The following KCTD19 variants were observed in gnomAD, a reference collection of about 807,000 sequenced individuals.
The protein encoded by KCTD19 is BTB/POZ domain-containing protein KCTD19.
A neutral mutation model predicts 103.5 loss-of-function variants in KCTD19; 67 were observed. That is an observed-to-expected ratio of 0.65 (90% CI 0.53 to 0.79). KCTD19 has a LOEUF of 0.79. Among genes scored for constraint, KCTD19 ranks in the 30% least tolerant of loss-of-function variants. The pLI, the probability that KCTD19 is intolerant of heterozygous loss-of-function variation, is 0.00. For missense variants in KCTD19, 980 were observed against 1,136.1 expected, an observed-to-expected ratio of 0.86 and a Z score of 1.98; for synonymous variants, 439 against 452.2, an observed-to-expected ratio of 0.97 and a Z score of 0.37.
At position 67,289,443 on chromosome 16, in the gene KCTD19, C is replaced by A. The variant is rs989996999; in HGVS notation, c.*126G>T. Reference sequence around the variant, plus strand: ...CTAGGTCTTTGATGTGTGATTTAATCTTTTATTTGTTTATAATAAAAAATA... The same window carrying A: ...CTAGGTCTTTGATGTGTGATTTAATATTTTATTTGTTTATAATAAAAAATA... On this transcript the variant is annotated 3_prime_UTR_variant, in exon 16 of 16. Coordinates refer to ENST00000304372, the MANE Select transcript of KCTD19 (RefSeq NM_001100915.3). 1 of 557,034 alleles carries A rather than the reference C, an allele frequency of 1.8e-6. No individual in the cohort carries two copies. The highest frequency in any genetic ancestry group is 3.2e-6 in the Non-Finnish European group (1 of 309,700). The allele number at this position is 557,034 out of a possible 1,614,324, so 34.5% of individuals were successfully genotyped here.
intron 6 of KCTD19, 90 bp from the exon 7 acceptor site, chr16:67,297,753 G>T: frequency 1.6e-6 from 2 of 1,261,348 alleles, no homozygotes; most frequent in African/African-American, 1.5e-5. Context: ...AGGATGCCTT[G>T]CCGCAACACT....
At chr16:67,304,667 CTTTTT>C in intron 2 of KCTD19, 96 bp from the exon 3 acceptor site, 1 of 851,770 alleles carries the variant, frequency 1.2e-6, no homozygotes. Flanking sequence ...ATGTGACTTA[CTTTTT>C]TTTTTTTTTG....
At chr16:67,324,515 A>C (rs1192728789) in intron 1 of KCTD19, among the ~76,000 whole-genome samples, 1 of 152,344 alleles carries the variant, frequency 6.6e-6, no homozygotes, top group East Asian at 1.9e-4. Flanking sequence ...TATGAGCAAA[A>C]TGTTGATTGT....
chr16:67,289,999 AG>A (rs1382490243), intron 15 of KCTD19, among the ~76,000 whole-genome samples: 1 of 152,182 alleles, frequency 6.6e-6, no homozygotes, highest in African/African-American at 2.4e-5. Flanking sequence ...TGGGTACTAG[AG>A]GGCTTGTGGT....
At chr16:67,316,837 G>A (rs1463938635) in intron 2 of KCTD19, among the ~76,000 whole-genome samples, 1 of 152,052 alleles carries the variant, frequency 6.6e-6, no homozygotes, top group Non-Finnish European at 1.5e-5. Flanking sequence ...GTGGGGGTTG[G>A]GTGGGCAGGT....
In KCTD19 at chr16:67,301,867, A is replaced by C. The variant is rs747984646; in HGVS notation, c.699T>G (p.Asp233Glu). The C allele has an allele frequency of 1.2e-6, 2 of 1,613,030 alleles. No individual in the cohort carries two copies. Among genetic ancestry groups the C allele is most frequent in the Admixed American group, 1.7e-5 (1 of 60,020 alleles). ...ILLPDNFSNI[D>E]VLEAEVEILE... ...GAATTTCCACTTCTGCTTCTAATAC[A>C]TCAATGTTGGAGAAATTATCCGGTA... The change falls in exon 5 of 16, where the codon GAT becomes GAG. Residue 233 changes from aspartate (D) to glutamate (E), a missense_variant. Asp to Glu is a conservative substitution (Grantham distance 45). Transcript: ENST00000304372.
In KCTD19 at chr16:67,297,536, C is replaced by G; in HGVS notation, c.1114G>C (p.Glu372Gln). The change falls in exon 7 of 16, where the codon GAG becomes CAG. Residue 372 changes from glutamate (E) to glutamine (Q), a missense_variant. By Grantham distance (29) the Glu-to-Gln change is conservative. Transcript: ENST00000304372. The part of the protein sequence containing the change: ...PIKVALKTHL[E>Q]PRTLAPMDVL... ...TCCATGGGTGCCAAAGTCCTTGGCTCCAGATGAGTCTTCAAAGCAACTTTG... is the reference window on the plus strand; with the variant it reads ...TCCATGGGTGCCAAAGTCCTTGGCTGCAGATGAGTCTTCAAAGCAACTTTG... 1 of 1,614,112 alleles carries G rather than the reference C, an allele frequency of 6.2e-7. No homozygotes were observed.
At chr16:67,291,283 C>T (rs183853423) in intron 14 of KCTD19, 26 bp downstream of exon 14, 201 of 1,606,868 alleles carry the variant, frequency 1.3e-4, no homozygotes, top group Non-Finnish European at 1.6e-4. Flanking sequence ...CAGGGTGCCC[C>T]AGGGCCTGAG....
At chr16:67,296,312 AGGT>A (rs1371886442) in intron 7 of KCTD19, 53 bp from the exon 8 acceptor site, 1 of 1,125,980 alleles carries the variant, frequency 8.9e-7, no homozygotes, top group Non-Finnish European at 1.4e-6. Context: ...AAGGGAAAGC[AGGT>A]AGGGCCCTTT....
intron 10 of KCTD19, 133 bp downstream of exon 10, chr16:67,294,840 C>T (rs1417051135): frequency 1.1e-6 from 1 of 937,700 alleles, no homozygotes; most frequent in Admixed American, 2.0e-5. Flanking sequence ...GGTCACTGGC[C>T]AATCCTGGGC....
At chr16:67,311,016 C>T (rs2036943577) in intron 2 of KCTD19, among the ~76,000 whole-genome samples, 1 of 152,206 alleles carries the variant, frequency 6.6e-6, no homozygotes, top group Non-Finnish European at 1.5e-5. Context: ...AGTCACCTCA[C>T]TCTGCAGAAG....
intron 11 of KCTD19, 144 bp from the exon 12 acceptor site, chr16:67,294,315 T>A: frequency 2.1e-6 from 2 of 965,822 alleles, no homozygotes; most frequent in Non-Finnish European, 1.5e-6. Context: ...CCATTTGAGC[T>A]TTGCTCAGGC....
chr16:67,298,933 C>T (rs2036800495), intron 6 of KCTD19, among the ~76,000 whole-genome samples: 1 of 152,246 alleles, frequency 6.6e-6, no homozygotes, highest in Non-Finnish European at 1.5e-5. Context: ...CTGGCCTGCC[C>T]TGCCCTGCTT....
intron 2 of KCTD19, among the ~76,000 whole-genome samples, chr16:67,313,067 T>G (rs2036965109): frequency 1.3e-5 from 2 of 152,062 alleles, no homozygotes; most frequent in African/African-American, 4.8e-5. Context: ...CAAATGAGCA[T>G]AGCTGTGTTC....
intron 1 of KCTD19, among the ~76,000 whole-genome samples, chr16:67,325,228 G>A (rs1233410445): frequency 8.3e-6 from 1 of 120,306 alleles, no homozygotes; most frequent in African/African-American, 3.8e-5. Flanking sequence ...TTTTTGAGAC[G>A]GAGTCTCGCT....
chr16:67,299,154 C>G (rs954967001), intron 6 of KCTD19, among the ~76,000 whole-genome samples: 10 of 152,280 alleles, frequency 6.6e-5, no homozygotes, highest in African/African-American at 2.4e-4. Context: ...TGAACCTTGG[C>G]AACCCTTGTA....
chr16:67,310,707 T>C (rs1264722683), intron 2 of KCTD19, among the ~76,000 whole-genome samples: 1 of 152,188 alleles, frequency 6.6e-6, no homozygotes, highest in Non-Finnish European at 1.5e-5. Context: ...GGCTGACAAA[T>C]GCGCCCTGAT....
intron 6 of KCTD19, among the ~76,000 whole-genome samples, chr16:67,298,587 A>T (rs1205194559): frequency 6.6e-6 from 1 of 152,116 alleles, no homozygotes; most frequent in Admixed American, 6.5e-5. Flanking sequence ...CTCCCTTCCA[A>T]GGCACTTGTC....
rs2036753609 is a variant in KCTD19, at chr16:67,295,384, G to T, written c.1270C>A (p.Pro424Thr). The T allele has an allele frequency of 6.2e-7, 1 of 1,613,130 alleles. No homozygotes were observed. Among genetic ancestry groups the T allele is most frequent in the African/African-American group, 1.3e-5 (1 of 74,908 alleles). ...LLKYPELLSNPQRVYWITYGQ... is the reference protein window; with the variant it reads ...LLKYPELLSNTQRVYWITYGQ... ...TATGTGATCCAGTACACTCTCTGAG[G>T]GTTGGACAGCAGTTCTGGATACTGG... The change falls in exon 9 of 16, where the codon CCT becomes ACT. Residue 424 changes from proline (P) to threonine (T), a missense_variant. Pro to Thr is a conservative substitution (Grantham distance 38). Transcript: ENST00000304372.
Sources: allele counts gnomAD v4.1 joint callset (sites outside exome capture counted in the v4.1 genomes callset), GRCh38; gene constraint gnomAD v4.1.1; transcripts MANE v1.5; gene names NCBI Gene and HGNC (gene_info 2026-07-23, HGNC 2026-07-21).